Variants in CDH18 observed in about 807,000 individuals in gnomAD.
CDH18 encodes the protein cadherin 18, also known as cadherin-18.
CDH18 carries 31 observed loss-of-function variants against 67.9 expected under a neutral mutation model. The observed-to-expected ratio is 0.46, with a 90% CI of 0.34 to 0.62. The LOEUF (loss-of-function observed/expected upper bound fraction) is 0.62, where lower values mean the gene tolerates loss of function less well. Ranked by LOEUF, CDH18 falls within the 20% of genes least tolerant of loss-of-function variation. The pLI is 0.01. For synonymous variants in CDH18, 362 were observed against 347.2 expected, an observed-to-expected ratio of 1.04 and a Z score of -0.48; for missense variants, 890 against 975.5, an observed-to-expected ratio of 0.91 and a Z score of 1.17.
In CDH18 at chr5:19,541,302, C is replaced by A. The variant is rs1412992411; in HGVS notation, c.1390+2567G>T. On this transcript the variant is annotated intron_variant, in intron 9 of 12. Transcript: ENST00000382275. ...AGGTTCCAAACTTTCCCACATCTTC[C>A]TGTCTTCCGAGCACTCCAAGTCTCC... 2.7e-5 allele frequency among the ~76,000 whole-genome samples: 4 copies of A among 150,934 alleles called. 1 individual carries two copies. The South Asian group carries it at 6.2e-4, about 23-fold the overall frequency.
chr5:20,023,430 C>T (rs1022687091), intron 2 of CDH18, among the ~76,000 whole-genome samples: 69 of 152,012 alleles, frequency 4.5e-4, no homozygotes, highest in African/African-American at 1.6e-3. Flanking sequence ...TAGGCCGAGG[C>T]GGGCGGATCA....
chr5:19,796,010 G>C (rs761154642), intron 3 of CDH18, among the ~76,000 whole-genome samples: 44 of 152,136 alleles, frequency 2.9e-4, no homozygotes, highest in Admixed American at 1.7e-3. Context: ...CAGTTAACTT[G>C]AGAACAGAAC....
At chr5:19,484,352 G>C (rs1472028131) in intron 11 of CDH18, among the ~76,000 whole-genome samples, 1 of 152,120 alleles carries the variant, frequency 6.6e-6, no homozygotes, top group African/African-American at 2.4e-5. Flanking sequence ...AAATGATAAG[G>C]ATAAAACCTC....
chr5:20,164,344 T>C lies in CDH18; in HGVS notation c.-518+91100A>G, dbSNP rs550881274. On this transcript the variant is annotated intron_variant, in intron 2 of 14. Transcript: ENST00000507958. ...TCTTGTTGCCCAGGCTGTAGTGCAG[T>C]GGTGTGATATTGGCTCACTGAACCC... Among the ~76,000 whole-genome samples the C allele has an allele frequency of 2.0e-5, 3 of 152,298 alleles. No individual in the cohort carries two copies. The East Asian group carries it at 5.8e-4, about 29-fold the overall frequency.
At chr5:19,718,721 T>C (rs1765641730) in intron 5 of CDH18, among the ~76,000 whole-genome samples, 1 of 151,992 alleles carries the variant, frequency 6.6e-6, no homozygotes, top group Non-Finnish European at 1.5e-5. Context: ...CATGATGCAT[T>C]AGCCAGTATA....
intron 1 of CDH18, among the ~76,000 whole-genome samples, chr5:20,465,921 T>A (rs1346067679): frequency 6.6e-6 from 1 of 152,042 alleles, no homozygotes; most frequent in Non-Finnish European, 1.5e-5. Context: ...TCAGTTGTTA[T>A]CTTAACTAAG....
At chr5:19,556,603 A>T (rs919774451) in intron 8 of CDH18, among the ~76,000 whole-genome samples, 1 of 152,124 alleles carries the variant, frequency 6.6e-6, no homozygotes, top group East Asian at 1.9e-4. Context: ...AAAACGAGCA[A>T]AGCCTCCAAG....
At chr5:19,912,174 C>CAAT (rs917750170) in intron 2 of CDH18, among the ~76,000 whole-genome samples, 11 of 134,588 alleles carry the variant, frequency 8.2e-5, no homozygotes, top group Non-Finnish European at 1.5e-4. Flanking sequence ...TAGCTATTAA[C>CAAT]AATAATAATA....
chr5:19,652,125 AT>A (rs938522346), intron 5 of CDH18, among the ~76,000 whole-genome samples: 2 of 151,892 alleles, frequency 1.3e-5, no homozygotes, highest in African/African-American at 2.4e-5. Flanking sequence ...TATTACTTAA[AT>A]TTTTTTCTTT....
At chr5:19,939,526 T>C (rs956534518) in intron 2 of CDH18, among the ~76,000 whole-genome samples, 1 of 151,746 alleles carries the variant, frequency 6.6e-6, no homozygotes, top group Non-Finnish European at 1.5e-5. Context: ...TAATTTTTTA[T>C]TGTACTTAAG....
chr5:20,279,411 A>G (rs1294206846), intron 1 of CDH18, among the ~76,000 whole-genome samples: 1 of 152,042 alleles, frequency 6.6e-6, no homozygotes, highest in Non-Finnish European at 1.5e-5. Context: ...AGCAAATACT[A>G]TAAGAGGCTG....
intron 3 of CDH18, among the ~76,000 whole-genome samples, chr5:19,785,897 T>G (rs1446068439): frequency 6.6e-6 from 1 of 151,082 alleles, no homozygotes; most frequent in African/African-American, 2.4e-5. Context: ...AGACTAAAAC[T>G]AATTTAATTT....
At chr5:19,561,276 T>C (rs922603433) in intron 8 of CDH18, among the ~76,000 whole-genome samples, 6 of 151,912 alleles carry the variant, frequency 3.9e-5, no homozygotes, top group Non-Finnish European at 8.8e-5. Flanking sequence ...CATCCGTCAA[T>C]GTAGGGATAA....
At chr5:19,778,911 T>G (rs1774744544) in intron 3 of CDH18, among the ~76,000 whole-genome samples, 1 of 152,146 alleles carries the variant, frequency 6.6e-6, no homozygotes, top group African/African-American at 2.4e-5. Context: ...CTCAGATACC[T>G]CCTCCTTGCA....
intron 1 of CDH18, among the ~76,000 whole-genome samples, chr5:20,272,959 C>T (rs556362627): frequency 3.9e-5 from 6 of 152,096 alleles, no homozygotes; most frequent in South Asian, 2.1e-4. Flanking sequence ...TTAATGCACA[C>T]GGGCAAACAC....
intron 1 of CDH18, among the ~76,000 whole-genome samples, chr5:20,385,023 G>A (rs1046729227): frequency 1.3e-5 from 2 of 152,008 alleles, no homozygotes; most frequent in African/African-American, 2.4e-5. Flanking sequence ...TTTTAGTAGA[G>A]ATGGGGTTTC....
intron 1 of CDH18, among the ~76,000 whole-genome samples, chr5:20,539,757 A>AAC (rs1554016455): frequency 0.025 from 1,295 of 51,346 alleles, 8 homozygotes; most frequent in Non-Finnish European, 0.052. Context: ...CACACACACA[A>AAC]ACACACACAC....
rs533653118 is a variant in CDH18, at chr5:20,369,616, G to A, written c.-579-114111C>T. Among the ~76,000 whole-genome samples the A allele has an allele frequency of 2.0e-5, 3 of 152,246 alleles. No homozygotes were observed. The East Asian group carries it at 5.8e-4, about 29-fold the overall frequency. On this transcript the variant is annotated intron_variant, in intron 1 of 14. Transcript: ENST00000507958. ...AGAGTTCAGTTTAGAGAAATTATTT[G>A]GGAAATATGAATAATTTAAGGAAAT...
chr5:19,924,774 G>A (rs1792907909), intron 2 of CDH18, among the ~76,000 whole-genome samples: 1 of 152,150 alleles, frequency 6.6e-6, no homozygotes, highest in African/African-American at 2.4e-5. Context: ...CTGAGTATAA[G>A]AACACAGAGC....
Sources: allele counts gnomAD v4.1 joint callset (sites outside exome capture counted in the v4.1 genomes callset), GRCh38; gene constraint gnomAD v4.1.1; transcripts MANE v1.5; gene names NCBI Gene and HGNC (gene_info 2026-07-23, HGNC 2026-07-21).